Variants in GRM6 observed in about 807,000 individuals in gnomAD.
GRM6 encodes metabotropic glutamate receptor 6.
In GRM6, 73 loss-of-function variants were observed where a neutral mutation model predicts 78.4. That is an observed-to-expected ratio of 0.93 (90% CI 0.77 to 1.13). GRM6 has a LOEUF of 1.13. GRM6 is among the 50% of genes most tolerant of loss of function. The probability of loss-of-function intolerance (pLI) is 0.00; values close to 1 mark genes in which losing one functional copy is unlikely to be tolerated. For synonymous variants in GRM6, 580 were observed against 555.0 expected (o/e 1.05, Z -0.63); for missense variants, 1,251 against 1,256.4 (o/e 1.00, Z 0.07).
chr5:178,983,435 C>T (rs763029465), intron 9 of GRM6: 38 of 698,742 alleles, frequency 5.4e-5, no homozygotes, highest in South Asian at 4.0e-4. Context: ...TCCAAAGGCC[C>T]GTGACCTGGC....
Position 178,986,705 on chromosome 5 carries a change from G to A in GRM6, c.1549C>T (p.Leu517=), listed in dbSNP as rs145771507. 148 of 1,604,948 alleles carry A rather than the reference G, an allele frequency of 9.2e-5. No individual in the cohort carries two copies. In the African/African-American group the frequency reaches 1.8e-3, roughly 19 times the overall value. ...SGDPHEVPSS[L]CSLPCGPGER... is the part of the protein sequence containing the mutation. ...CCCGGCCCGCAGGGCAGGCTGCACA[G>A]AGACGAGGGCACCTCGTGGGGGTCG... The change falls in exon 9 of 11, where the codon CTG becomes TTG. Residue 517 remains leucine (L), a synonymous_variant. Transcript: ENST00000517717.
rs143755306 is a variant in GRM6, at chr5:178,986,272, G to C, written c.1982C>G (p.Thr661Arg). The change falls in exon 9 of 11, where the codon ACG (threonine) becomes AGG (arginine). Residue 661 changes from threonine (T) to arginine (R), a missense_variant. Coordinates refer to ENST00000517717, the MANE Select transcript of GRM6 (RefSeq NM_000843.4). ...GAGCAGGGCAGAGTAGCTGAGGGTCGTGCCCAGGCCCAGGAAGAGCCTGCG... is the reference window on the plus strand; with the variant it reads ...GAGCAGGGCAGAGTAGCTGAGGGTCCTGCCCAGGCCCAGGAAGAGCCTGCG... ...AARRLFLGLG[T>R]TLSYSALLTK... 4 of 1,613,950 alleles carry C rather than the reference G, an allele frequency of 2.5e-6. No homozygotes were observed. The highest frequency in any genetic ancestry group is 2.5e-6 in the Non-Finnish European group (3 of 1,180,004).
intron 7 of GRM6, among the ~76,000 whole-genome samples, chr5:178,987,978 T>C (rs1261145665): frequency 6.6e-6 from 1 of 151,322 alleles, no homozygotes; most frequent in East Asian, 1.9e-4. Context: ...CAGGCTGGTC[T>C]CGAACTCCTG....
At position 178,986,389 on chromosome 5, in the gene GRM6, T is replaced by C. The variant is rs756510503; in HGVS notation, c.1865A>G (p.Glu622Gly). Reference protein sequence around the residue: ...NTPIVRASGRELSYVLLTGIF... With the variant: ...NTPIVRASGRGLSYVLLTGIF... The stretch of plus-strand genomic sequence containing the variant: ...GCCGGTGAGGAGGACGTAGCTGAGC[T>C]CTCGGCCCGAGGCCCGGACGATGGG... The change falls in exon 9 of 11, where the codon GAG (glutamate) becomes GGG (glycine). Residue 622 changes from glutamate to glycine, a missense_variant. By Grantham distance (98) the Glu-to-Gly change is moderately conservative. Coordinates refer to ENST00000517717, the MANE Select transcript of GRM6 (RefSeq NM_000843.4). 1 of 1,613,914 alleles carries C rather than the reference T, an allele frequency of 6.2e-7. No homozygotes were observed. Among genetic ancestry groups the C allele is most frequent in the Non-Finnish European group, 8.5e-7 (1 of 1,180,012 alleles).
rs1305405364 is a variant in GRM6, at chr5:178,979,345, G to C, written c.*2312C>G. On this transcript the variant is annotated 3_prime_UTR_variant, in exon 11 of 11. Transcript: ENST00000517717. Reference sequence around the variant, plus strand: ...GGAAGTCAGTTATTTGTGTACATCAGAAAATTCTGGAAGGAGAGAAACCTT... The same window carrying C: ...GGAAGTCAGTTATTTGTGTACATCACAAAATTCTGGAAGGAGAGAAACCTT... 2 of 152,240 alleles carry C rather than the reference G, an allele frequency of 1.3e-5. No individual in the cohort carries two copies. Among genetic ancestry groups the C allele is most frequent in the African/African-American group, 2.4e-5 (1 of 41,458 alleles). The allele number at this position is 152,240 out of a possible 1,614,324, so 9.4% of individuals were successfully genotyped here.
At position 178,994,464 on chromosome 5, in the gene GRM6, CG is replaced by C. The variant is rs1561721901; in HGVS notation, c.480del (p.Ala161ProfsTer48). The C allele has an allele frequency of 6.7e-7, 1 of 1,487,410 alleles. No homozygotes were observed. The highest frequency in any genetic ancestry group is 1.3e-5 in the South Asian group (1 of 79,378). 92.1% of individuals were successfully genotyped at this position (1,487,410 alleles called of 1,614,324 possible). ...GASASSVSIM[V>X]ANVLRLFAIP... ...ACCGCAAACAGGCGCAGCACGTTGGCGACCATGATGGAGACGGAGCTGGCCG... is the reference window on the plus strand; with the variant it reads ...ACCGCAAACAGGCGCAGCACGTTGGCACCATGATGGAGACGGAGCTGGCCG... On this transcript the variant is annotated frameshift_variant, in exon 2 of 11. Transcript: ENST00000517717. LOFTEE classifies it high-confidence loss of function.
At chr5:178,989,842 G>A in intron 5 of GRM6, 1 of 300,338 alleles carries the variant, frequency 3.3e-6, no homozygotes, top group Non-Finnish European at 6.5e-6. Context: ...ACAGGGAATG[G>A]TGGAACAAAG....
In GRM6 at chr5:178,989,337, A is replaced by C; in HGVS notation, c.1081T>G (p.Trp361Gly). 1 of 1,613,374 alleles carries C rather than the reference A, an allele frequency of 6.2e-7. No individual in the cohort carries two copies. Among genetic ancestry groups the C allele is most frequent in the South Asian group, 1.1e-5 (1 of 91,056 alleles). The change falls in exon 6 of 11, where the codon TGG becomes GGG. Residue 361 changes from tryptophan (W) to glycine (G), a missense_variant. By Grantham distance (184) the Trp-to-Gly change is radical (BLOSUM62 -2). Transcript: ENST00000517717. Reference protein sequence around the residue: ...NRRNIWFAEFWEENFNCKLTS... With the variant: ...NRRNIWFAEFGEENFNCKLTS... ...AGTTTGCAGTTAAAATTCTCTTCCC[A>C]GAACTCGGCGAACCAGATGTTCCTG... is the stretch of plus-strand genomic sequence containing the variant.
chr5:178,985,120 C>T, intron 9 of GRM6: 1 of 325,028 alleles, frequency 3.1e-6, no homozygotes, highest in South Asian at 2.4e-5. Context: ...ATGTTGGACC[C>T]TGTGCCTCTC....
At position 178,994,768 on chromosome 5, in the gene GRM6, CT is replaced by C; in HGVS notation, c.176del (p.Gln59ArgfsTer2). ...GGTGCACGCCCTGCTCCTTCTTCAG[CT>C]GCCCGCACGCCCGGCCCGCCGCGCC... ...ARGAAGRACG[Q>X]LKKEQGVHRL... is the part of the protein sequence containing the mutation. On this transcript the variant is annotated frameshift_variant, in exon 2 of 11. Coordinates refer to ENST00000517717, the MANE Select transcript of GRM6 (RefSeq NM_000843.4). LOFTEE classifies it high-confidence loss of function. 1 of 1,392,500 alleles carries C rather than the reference CT, an allele frequency of 7.2e-7. No individual in the cohort carries two copies. The highest frequency in any genetic ancestry group is 9.4e-7 in the Non-Finnish European group (1 of 1,067,174). The allele number at this position is 1,392,500 out of a possible 1,614,324, so 86.3% of individuals were successfully genotyped here.
In GRM6 at chr5:178,989,126, C is replaced by A. The variant is rs778389210; in HGVS notation, c.1163G>T (p.Arg388Leu). ...DSTRKCTGEE[R>L]IGRDSTYEQE... ...CTCGTAGGTGGAGTCCCGGCCGATG[C>A]GTTCCTCGCCTGTCCTAGGGATGCC... Residue 388 changes from arginine (R) to leucine (L), a missense_variant, in exon 7 of 11, where the codon CGC becomes CTC. Physicochemically the swap from Arg to Leu is moderately radical, Grantham distance 102. Transcript: ENST00000517717. 20 of 1,613,768 alleles carry A rather than the reference C, an allele frequency of 1.2e-5. No homozygotes were observed. Among genetic ancestry groups the A allele is most frequent in the African/African-American group, 2.7e-5 (2 of 74,926 alleles).
Position 178,983,077 on chromosome 5 carries a change from A to G in GRM6, c.2269T>C (p.Tyr757His). Residue 757 changes from tyrosine to histidine, a missense_variant, in exon 10 of 11, where the codon TAC (tyrosine) becomes CAC (histidine). Physicochemically the swap from Tyr to His is moderately conservative, Grantham distance 83 (BLOSUM62 2). Coordinates refer to ENST00000517717, the MANE Select transcript of GRM6 (RefSeq NM_000843.4). ...CACGTGACCATGAGCAGGAGGCTGTAGCCCAGGCAGCCGATGAGAGACAGA... is the reference window on the plus strand; with the variant it reads ...CACGTGACCATGAGCAGGAGGCTGTGGCCCAGGCAGCCGATGAGAGACAGA... ...SDLSLIGCLG[Y>H]SLLLMVTCTV... The G allele has an allele frequency of 6.2e-7, 1 of 1,614,170 alleles. No individual in the cohort carries two copies. Among genetic ancestry groups the G allele is most frequent in the Non-Finnish European group, 8.5e-7 (1 of 1,180,026 alleles).
chr5:178,991,952 T>A lies in GRM6; in HGVS notation c.636A>T (p.Gly212=). ...QAMVDIVRAL[G]WNYVSTLASE... is the part of the protein sequence containing the mutation. Reference sequence around the variant, plus strand: ...AGGCCAGCGTGGACACATAGTTCCATCCCAGTGCCCTCACGATGTCCACCA... The same window carrying A: ...AGGCCAGCGTGGACACATAGTTCCAACCCAGTGCCCTCACGATGTCCACCA... The change falls in exon 3 of 11, where the codon GGA becomes GGT. Residue 212 remains glycine, a synonymous_variant. Transcript: ENST00000517717. This position sits in a 1 kb window ranked among gnomAD's most constrained non-coding sequence, Gnocchi z 5.0. 6.2e-7 allele frequency: 1 copy of A among 1,614,092 alleles called. No individual in the cohort carries two copies.
intron 9 of GRM6, chr5:178,983,573 G>A (rs1055567302): frequency 2.2e-6 from 1 of 445,768 alleles, no homozygotes; most frequent in Non-Finnish European, 4.5e-6. Flanking sequence ...CCCCTTCAAG[G>A]TAGATGGATG....
chr5:178,989,777 C>A (rs1293769743), intron 5 of GRM6: 7 of 355,884 alleles, frequency 2.0e-5, no homozygotes, highest in Non-Finnish European at 3.8e-5. Context: ...ATGGGTGGAG[C>A]CTCAGCAGCC....
In GRM6 at chr5:178,978,931, C is replaced by T. The variant is rs1760336769; in HGVS notation, c.*2726G>A. On this transcript the variant is annotated 3_prime_UTR_variant, in exon 11 of 11. Coordinates refer to ENST00000517717, the MANE Select transcript of GRM6 (RefSeq NM_000843.4). The stretch of plus-strand genomic sequence containing the variant: ...AAAAAACAGGAAAATCTTTAGGGAG[C>T]TGTCAACCTCCACTGAACACCACAG... 1 of 152,128 alleles carries T rather than the reference C, an allele frequency of 6.6e-6. No homozygotes were observed. The highest frequency in any genetic ancestry group is 6.5e-5 in the Admixed American group (1 of 15,272). 9.4% of individuals were successfully genotyped at this position (152,128 alleles called of 1,614,324 possible). A position where few individuals can be genotyped will look rare whatever the true frequency, so the allele number is the denominator to read the frequency against.
chr5:178,989,208 C>CCCACCCTCA, intron 6 of GRM6, 57 bp downstream of exon 6: 4 of 373,770 alleles, frequency 1.1e-5, no homozygotes, highest in Non-Finnish European at 1.1e-5. Flanking sequence ...CTTCCCCCTC[C>CCCACCCTCA]CCACCCTCAC....
chr5:178,981,884 A>C lies in GRM6; in HGVS notation c.2437-30T>G. 1 of 1,379,926 alleles carries C rather than the reference A, an allele frequency of 7.2e-7. No homozygotes were observed. Among genetic ancestry groups the C allele is most frequent in the East Asian group, 2.3e-5 (1 of 43,676 alleles). The allele number at this position is 1,379,926 out of a possible 1,614,324, so 85.5% of individuals were successfully genotyped here. On this transcript the variant is annotated intron_variant, in intron 10 of 10. Transcript: ENST00000517717. This position sits in a 1 kb window ranked among gnomAD's most constrained non-coding sequence, Gnocchi z 5.1. ...GCCATGGAAGAGGGGACCAGATGGG[A>C]CTCAGCCCTGCTCTCCCTGCCCCGC...
chr5:178,978,921 C>T lies in GRM6; in HGVS notation c.*2736G>A, dbSNP rs1760336597. ...CATGCATGCAAAAAAACAGGAAAAT[C>T]TTTAGGGAGCTGTCAACCTCCACTG... On this transcript the variant is annotated 3_prime_UTR_variant, in exon 11 of 11. Coordinates refer to ENST00000517717, the MANE Select transcript of GRM6 (RefSeq NM_000843.4). 1 of 152,094 alleles carries T rather than the reference C, an allele frequency of 6.6e-6. No homozygotes were observed. The highest frequency in any genetic ancestry group is 1.5e-5 in the Non-Finnish European group (1 of 68,030). The allele number at this position is 152,094 out of a possible 1,614,324, so 9.4% of individuals were successfully genotyped here.
Sources: gnomAD v4.1 joint callset for allele counts (sites outside exome capture counted in the v4.1 genomes callset) on GRCh38, gnomAD v4.1.1 for gene constraint, Gnocchi (gnomAD v3.1) non-coding constraint, MANE v1.5 for transcripts, NCBI Gene and HGNC (gene_info 2026-07-23, HGNC 2026-07-21) for gene names.